The following MYL1 variants were observed in gnomAD, a reference collection of about 807,000 sequenced individuals.
MYL1 encodes myosin light chain 1/3, skeletal muscle isoform.
In MYL1, 16 loss-of-function variants were observed where a neutral mutation model predicts 21.8. The observed-to-expected ratio is 0.74, with a 90% CI of 0.50 to 1.12. The LOEUF (loss-of-function observed/expected upper bound fraction) is 1.12. Ranked by LOEUF, MYL1 falls within the 50% of genes most tolerant of loss-of-function variation. The pLI, the probability that MYL1 is intolerant of heterozygous loss-of-function variation, is 0.00. For synonymous variants in MYL1, 99 were observed against 85.2 expected, an observed-to-expected ratio of 1.16 and a Z score of -0.89; for missense variants, 246 against 241.0, an observed-to-expected ratio of 1.02 and a Z score of -0.14.
intron 1 of MYL1, among the ~76,000 whole-genome samples, chr2:210,306,356 G>T (rs931064400): frequency 2.7e-5 from 4 of 149,850 alleles, no homozygotes; most frequent in South Asian, 2.1e-4. Context: ...ACCCCAGCCT[G>T]GGCTACAGAG....
chr2:210,302,561 A>C, intron 1 of MYL1, 46 bp from the exon 2 acceptor site: 6 of 1,590,376 alleles, frequency 3.8e-6, no homozygotes, highest in Non-Finnish European at 4.3e-6. Flanking sequence ...ACCAAACAAA[A>C]ATGTGCTGAT....
intron 3 of MYL1, among the ~76,000 whole-genome samples, chr2:210,294,946 C>T (rs1465206996): frequency 2.0e-5 from 3 of 152,062 alleles, no homozygotes; most frequent in Admixed American, 6.6e-5. Context: ...AGGGCCTTCC[C>T]GTTCTTTAAA....
Position 210,293,800 on chromosome 2 carries a change from C to T in MYL1, c.479G>A (p.Gly160Asp), listed in dbSNP as rs769239527. 5.0e-5 allele frequency: 80 copies of T among 1,613,446 alleles called. No individual in the cohort carries two copies. The highest frequency in any genetic ancestry group is 6.4e-5 in the Non-Finnish European group (76 of 1,179,552). Residue 160 changes from glycine to aspartate, a missense_variant and splice_region_variant, in exon 5 of 7, where the codon GGT becomes GAT. Coordinates refer to ENST00000352451, the MANE Select transcript of MYL1 (RefSeq NM_079420.3). ...AELRHVLATLGEKMKEEEVEA... is the reference protein window; with the variant it reads ...AELRHVLATLDEKMKEEEVEA... Reference sequence around the variant, plus strand: ...CACTTCTTCCTCTTTCATCTTTTCACCTGATGAAACAAAACTCTCCTTTCA... The same window carrying T: ...CACTTCTTCCTCTTTCATCTTTTCATCTGATGAAACAAAACTCTCCTTTCA...
chr2:210,292,515 T>C (rs1690093861), intron 5 of MYL1, among the ~76,000 whole-genome samples: 1 of 152,118 alleles, frequency 6.6e-6, no homozygotes. Flanking sequence ...TTGTAGTAGT[T>C]CTTTTTTATT....
At chr2:210,307,729 T>C (rs566769144) in intron 1 of MYL1, among the ~76,000 whole-genome samples, 1 of 152,344 alleles carries the variant, frequency 6.6e-6, no homozygotes, top group East Asian at 1.9e-4. Flanking sequence ...AAAAATTTTT[T>C]ATTACAATGT....
At chr2:210,309,490 C>T (rs978759912) in intron 1 of MYL1, among the ~76,000 whole-genome samples, 1 of 151,990 alleles carries the variant, frequency 6.6e-6, no homozygotes, top group Admixed American at 6.6e-5. Context: ...ATTTATCATC[C>T]ATATAATATA....
At chr2:210,313,393 GC>G (rs1051102777) in intron 1 of MYL1, among the ~76,000 whole-genome samples, 2 of 151,906 alleles carry the variant, frequency 1.3e-5, no homozygotes, top group Non-Finnish European at 2.9e-5. Flanking sequence ...TACTATCATG[GC>G]TATGATCTCA....
chr2:210,294,104 T>A (rs1455860238), intron 4 of MYL1, 141 bp downstream of exon 4: 9 of 910,328 alleles, frequency 9.9e-6, no homozygotes, highest in Non-Finnish European at 1.1e-5. Context: ...CCAATTGAAA[T>A]GGTCATTAAC....
chr2:210,308,155 G>T (rs1196339484), intron 1 of MYL1, among the ~76,000 whole-genome samples: 3 of 151,760 alleles, frequency 2.0e-5, no homozygotes, highest in Non-Finnish European at 4.4e-5. Context: ...TTCAATCAAA[G>T]AAAACACTGC....
chr2:210,311,958 C>T (rs1690425201), intron 1 of MYL1, among the ~76,000 whole-genome samples: 1 of 151,976 alleles, frequency 6.6e-6, no homozygotes. Context: ...AGCATTCCTT[C>T]AGAGAGTATC....
intron 5 of MYL1, among the ~76,000 whole-genome samples, chr2:210,293,349 C>A (rs1436716668): frequency 1.3e-5 from 2 of 152,110 alleles, no homozygotes; most frequent in Non-Finnish European, 2.9e-5. Context: ...GTAACTAAAC[C>A]TATTTGGCCC....
chr2:210,293,619 A>G (rs1690117589), intron 5 of MYL1, 104 bp downstream of exon 5: 1 of 845,358 alleles, frequency 1.2e-6, no homozygotes, highest in Non-Finnish European at 2.0e-6. Flanking sequence ...TGATTGTCAT[A>G]TGTATGTCAA....
At chr2:210,297,984 A>G (rs1281805524) in intron 3 of MYL1, among the ~76,000 whole-genome samples, 1 of 152,130 alleles carries the variant, frequency 6.6e-6, no homozygotes, top group East Asian at 1.9e-4. Flanking sequence ...ATCATATTTA[A>G]CATCTTTGCC....
intron 5 of MYL1, among the ~76,000 whole-genome samples, chr2:210,292,860 A>G (rs1380561791): frequency 1.3e-5 from 2 of 152,180 alleles, no homozygotes; most frequent in African/African-American, 4.8e-5. Context: ...TATTTATTGA[A>G]TGATTCTCTA....
chr2:210,306,948 T>C lies in MYL1; in HGVS notation c.133-4433A>G, dbSNP rs543289130. On this transcript the variant is annotated intron_variant, in intron 1 of 6. Coordinates refer to ENST00000352451, the MANE Select transcript of MYL1 (RefSeq NM_079420.3). ...TTAATTGTATAATATGAATACACAA[T>C]GTCAGCTGGTTTTGGCTTCAGTTCT... Among the ~76,000 whole-genome samples the C allele has an allele frequency of 7.9e-5, 12 of 152,288 alleles. No individual in the cohort carries two copies. The South Asian group carries it at 1.0e-3, about 13-fold the overall frequency.
At position 210,300,491 on chromosome 2, in the gene MYL1, TA is replaced by T. The variant is rs1396397393; in HGVS notation, c.161-1929del. 6.6e-5 allele frequency among the ~76,000 whole-genome samples: 10 copies of T among 152,250 alleles called. 1 individual carries two copies. In the East Asian group the frequency reaches 1.7e-3, roughly 26 times the overall value. On this transcript the variant is annotated intron_variant, in intron 2 of 6. Coordinates refer to ENST00000352451, the MANE Select transcript of MYL1 (RefSeq NM_079420.3). ...CTCAGTGACAGAGTGGAGTTGTTTT[TA>T]CAGAGTCTATACTGGCAGCAAAGCC... is the stretch of plus-strand genomic sequence containing the variant.
At chr2:210,291,162 T>C in intron 5 of MYL1, 88 bp from the exon 6 acceptor site, 1 of 1,036,790 alleles carries the variant, frequency 9.6e-7, no homozygotes. Flanking sequence ...GTTAGCTCAA[T>C]CCTATTTTTA....
intron 1 of MYL1, 106 bp downstream of exon 1, chr2:210,314,805 A>G (rs541393629): frequency 7.9e-7 from 1 of 1,259,416 alleles, no homozygotes; most frequent in South Asian, 1.3e-5. Context: ...CAGCTCACTA[A>G]ATAATGCTAT....
chr2:210,297,266 CA>C (rs1355490065), intron 3 of MYL1, among the ~76,000 whole-genome samples: 5 of 151,890 alleles, frequency 3.3e-5, no homozygotes, highest in Non-Finnish European at 7.4e-5. Flanking sequence ...ACAATGGTTG[CA>C]CTTACATTCT....
Sources: gnomAD v4.1 joint callset for allele counts (sites outside exome capture counted in the v4.1 genomes callset) on GRCh38, gnomAD v4.1.1 for gene constraint, MANE v1.5 for transcripts, NCBI Gene and HGNC (gene_info 2026-07-23, HGNC 2026-07-21) for gene names.